Variants in ZBTB43 observed in about 807,000 individuals in gnomAD.
ZBTB43 encodes the protein zinc finger and BTB domain-containing protein 43.
In ZBTB43, 6 loss-of-function variants were observed where a neutral mutation model predicts 31.1. That is an observed-to-expected ratio of 0.19 (90% CI 0.11 to 0.38). The LOEUF (loss-of-function observed/expected upper bound fraction) is 0.38. ZBTB43 is among the 10% of genes least tolerant of loss of function. The pLI is 1.00. For missense variants in ZBTB43, 379 were observed against 602.1 expected (o/e 0.63, Z 3.88); for synonymous variants, 212 against 221.7 (o/e 0.96, Z 0.39).
chr9:126,810,878 T>C (rs773089560), intron 2 of ZBTB43, among the ~76,000 whole-genome samples: 2 of 151,906 alleles, frequency 1.3e-5, no homozygotes, highest in Non-Finnish European at 2.9e-5. Context: ...ATTATATAGA[T>C]TATTTGTGAA....
intron 2 of ZBTB43, among the ~76,000 whole-genome samples, chr9:126,827,098 A>G (rs1029269531): frequency 1.3e-5 from 2 of 152,174 alleles, no homozygotes; most frequent in Admixed American, 6.5e-5. Flanking sequence ...TGTTTGTACA[A>G]TGACTTTTCC....
At chr9:126,815,758 A>G (rs1217596092) in intron 2 of ZBTB43, among the ~76,000 whole-genome samples, 5 of 146,666 alleles carry the variant, frequency 3.4e-5, no homozygotes, top group Non-Finnish European at 5.9e-5. Flanking sequence ...TACCAGTTGT[A>G]TAAATCTTCT....
At chr9:126,815,233 T>C (rs1286064368) in intron 2 of ZBTB43, among the ~76,000 whole-genome samples, 2 of 49,278 alleles carry the variant, frequency 4.1e-5, no homozygotes, top group African/African-American at 1.3e-4. Context: ...TAGTTTTCAA[T>C]ATATAAAACT....
chr9:126,812,583 G>C (rs1487845711), intron 2 of ZBTB43, among the ~76,000 whole-genome samples: 2 of 152,100 alleles, frequency 1.3e-5, no homozygotes, highest in African/African-American at 4.8e-5. Context: ...ACCTGTTATT[G>C]TCTGTCTGTC....
chr9:126,811,525 G>A (rs1353422510), intron 2 of ZBTB43, among the ~76,000 whole-genome samples: 1 of 152,212 alleles, frequency 6.6e-6, no homozygotes, highest in Non-Finnish European at 1.5e-5. Context: ...AATAGTAGTT[G>A]CTGTTATTTC....
chr9:126,806,503 G>A (rs1364395549), intron 1 of ZBTB43, among the ~76,000 whole-genome samples: 1 of 152,168 alleles, frequency 6.6e-6, no homozygotes, highest in Non-Finnish European at 1.5e-5. Context: ...ATTGCTTAAT[G>A]TTACAGAACA....
chr9:126,810,768 A>C (rs953721693), intron 2 of ZBTB43, among the ~76,000 whole-genome samples: 3 of 151,200 alleles, frequency 2.0e-5, no homozygotes, highest in African/African-American at 7.3e-5. Context: ...CTCCCAAAGT[A>C]CTGGGATTAC....
intron 2 of ZBTB43, among the ~76,000 whole-genome samples, chr9:126,822,353 T>C (rs2032531828): frequency 6.6e-6 from 1 of 152,194 alleles, no homozygotes; most frequent in Non-Finnish European, 1.5e-5. Context: ...AAAGAAGTTC[T>C]GTGGGCAAAA....
At chr9:126,810,475 G>A (rs941151602) in intron 2 of ZBTB43, among the ~76,000 whole-genome samples, 8 of 145,780 alleles carry the variant, frequency 5.5e-5, no homozygotes, top group East Asian at 2.2e-4. Context: ...TTACAGGCAT[G>A]AGCCACTGTG....
rs1460013317 is a variant in ZBTB43, at chr9:126,834,865, A to G, written c.*952A>G. Reference sequence around the variant, plus strand: ...AAGAGAGTGGTCCATGACCACACTTAGTGAGAAGGAGCCACAAGTTGTGGC... The same window carrying G: ...AAGAGAGTGGTCCATGACCACACTTGGTGAGAAGGAGCCACAAGTTGTGGC... On this transcript the variant is annotated 3_prime_UTR_variant, in exon 3 of 3. Transcript: ENST00000373464. 6.0e-6 allele frequency: 1 copy of G among 167,086 alleles called. No homozygotes were observed. Among genetic ancestry groups the G allele is most frequent in the East Asian group, 1.9e-4 (1 of 5,198 alleles). The allele number at this position is 167,086 out of a possible 1,614,324, so 10.4% of individuals were successfully genotyped here.
At chr9:126,824,066 G>C (rs1164194852) in intron 2 of ZBTB43, among the ~76,000 whole-genome samples, 1 of 151,672 alleles carries the variant, frequency 6.6e-6, no homozygotes, top group South Asian at 2.1e-4. Context: ...TCACTCTGTT[G>C]CCCAGGCTGG....
intron 2 of ZBTB43, among the ~76,000 whole-genome samples, chr9:126,827,529 T>A (rs1411735198): frequency 6.6e-6 from 1 of 152,208 alleles, no homozygotes; most frequent in Non-Finnish European, 1.5e-5. Context: ...ACTCTCTTGG[T>A]TGCTGTGAGT....
chr9:126,823,805 A>G (rs959844134), intron 2 of ZBTB43, among the ~76,000 whole-genome samples: 4 of 152,190 alleles, frequency 2.6e-5, no homozygotes, highest in African/African-American at 4.8e-5. Context: ...TGCAATTAAC[A>G]TTTTAAACTT....
At chr9:126,830,372 G>A (rs1270360850) in intron 2 of ZBTB43, among the ~76,000 whole-genome samples, 2 of 152,322 alleles carry the variant, frequency 1.3e-5, no homozygotes, top group East Asian at 3.9e-4. Flanking sequence ...GGGGCTGGGC[G>A]CAGTGGCTCA....
At chr9:126,810,872 T>C (rs1230900229) in intron 2 of ZBTB43, among the ~76,000 whole-genome samples, 3 of 151,940 alleles carry the variant, frequency 2.0e-5, no homozygotes, top group Non-Finnish European at 4.4e-5. Flanking sequence ...AATAAAATTA[T>C]ATAGATTATT....
At chr9:126,829,675 G>A (rs1292333695) in intron 2 of ZBTB43, among the ~76,000 whole-genome samples, 1 of 145,240 alleles carries the variant, frequency 6.9e-6, no homozygotes, top group Non-Finnish European at 1.5e-5. Flanking sequence ...GGGAGACTAG[G>A]AATAAATGAT....
Position 126,837,423 on chromosome 9 carries a change from C to T in ZBTB43, c.*3510C>T, listed in dbSNP as rs2032905282. 2.4e-5 allele frequency: 4 copies of T among 167,186 alleles called. No homozygotes were observed. The allele number at this position is 167,186 out of a possible 1,614,324, so 10.4% of individuals were successfully genotyped here. On this transcript the variant is annotated 3_prime_UTR_variant, in exon 3 of 3. Coordinates refer to ENST00000373464, the MANE Select transcript of ZBTB43 (RefSeq NM_014007.4). ...TAACCACCGGGGAAAGCTGCTTAGC[C>T]TCCAGGGCTCCCTCCTTGAGAGGCT...
intron 2 of ZBTB43, among the ~76,000 whole-genome samples, chr9:126,820,254 A>G (rs1474297754): frequency 1.3e-5 from 2 of 152,214 alleles, no homozygotes; most frequent in East Asian, 1.9e-4. Context: ...TTCCATAGCT[A>G]GAGAGGAGAA....
At chr9:126,804,329 A>C (rs1237735653), upstream of ZBTB43, among the ~76,000 whole-genome samples, 1 of 152,138 alleles carries the variant, frequency 6.6e-6, no homozygotes, top group Non-Finnish European at 1.5e-5. Context: ...TTCATTGACC[A>C]TTTACTGAGC....
Sources: gnomAD v4.1 joint callset for allele counts (sites outside exome capture counted in the v4.1 genomes callset) on GRCh38, gnomAD v4.1.1 for gene constraint, MANE v1.5 for transcripts, NCBI Gene and HGNC (gene_info 2026-07-23, HGNC 2026-07-21) for gene names.